Variants in VPS13D observed in about 807,000 individuals in gnomAD.
VPS13D encodes intermembrane lipid transfer protein VPS13D.
Under a neutral mutation model 461.9 loss-of-function variants are expected in VPS13D, and 187 were observed. That is an observed-to-expected ratio of 0.40 (90% CI 0.36 to 0.46). The LOEUF is 0.46. Ranked by LOEUF, VPS13D falls within the 20% of genes least tolerant of loss-of-function variation. The pLI, the probability that VPS13D is intolerant of heterozygous loss-of-function variation, is 0.60. For synonymous variants in VPS13D, 1,951 were observed against 1,986.3 expected (o/e 0.98, Z 0.47); for missense variants, 4,711 against 5,364.9 (o/e 0.88, Z 3.81).
intron 60 of VPS13D, among the ~76,000 whole-genome samples, chr1:12,388,375 G>A (rs568199803): frequency 6.6e-5 from 10 of 152,238 alleles, no homozygotes; most frequent in Middle Eastern, 6.8e-3. Context: ...AGGAGTTCGG[G>A]ACCAGCCTGG....
In VPS13D at chr1:12,345,261, A is replaced by G. The variant is rs1381521779; in HGVS notation, c.8886-113A>G. The G allele has an allele frequency of 3.8e-6, 5 of 1,298,760 alleles. No individual in the cohort carries two copies. In the African/African-American group the frequency reaches 7.4e-5, roughly 19 times the overall value. The allele number at this position is 1,298,760 out of a possible 1,614,324, so 80.5% of individuals were successfully genotyped here. On this transcript the variant is annotated intron_variant, in intron 42 of 69. Transcript: ENST00000620676. ...GCATTAGGTAATCTCCAAAAGGTTT[A>G]GCCAACTGGGTTTTTACATCATATG...
intron 63 of VPS13D, among the ~76,000 whole-genome samples, chr1:12,405,955 C>T (rs1644647531): frequency 1.3e-5 from 2 of 152,160 alleles, no homozygotes; most frequent in Non-Finnish European, 2.9e-5. Context: ...TGAAGTAGCT[C>T]CAGCCCCCCC....
In VPS13D at chr1:12,433,951, T is replaced by A. The variant is rs554724440; in HGVS notation, c.12333+17124T>A. Reference sequence around the variant, plus strand: ...GAGAGTGAGAGAGAGAGAGAGAGAGTGTGTGTGTGTGTGTGTGTGGAGGAG... The same window carrying A: ...GAGAGTGAGAGAGAGAGAGAGAGAGAGTGTGTGTGTGTGTGTGTGGAGGAG... On this transcript the variant is annotated intron_variant, in intron 65 of 69. Coordinates refer to ENST00000620676, the MANE Select transcript of VPS13D (RefSeq NM_015378.4). 2.7e-3 allele frequency among the ~76,000 whole-genome samples: 358 copies of A among 131,996 alleles called. 3 individuals are homozygous for A. The highest frequency in any genetic ancestry group is 7.1e-3 in the African/African-American group (244 of 34,488). 86.6% of individuals were successfully genotyped at this position (131,996 alleles called of 152,430 possible). A position where few individuals can be genotyped will look rare whatever the true frequency, so the allele number is the denominator to read the frequency against.
At chr1:12,397,436 G>A (rs985465582) in intron 60 of VPS13D, among the ~76,000 whole-genome samples, 8 of 152,204 alleles carry the variant, frequency 5.3e-5, no homozygotes, top group Non-Finnish European at 7.3e-5. Flanking sequence ...CAGTTACGAC[G>A]CCTTGTGTCA....
At position 12,277,301 on chromosome 1, in the gene VPS13D, T is replaced by C. The variant is rs1360677717; in HGVS notation, c.3713T>C (p.Ile1238Thr). The change falls in exon 19 of 70, where the codon ATT becomes ACT. Residue 1238 changes from isoleucine (I) to threonine (T), a missense_variant. Around this residue, in one of 3 missense-constraint regions of VPS13D, gnomAD observed 4,411 missense variants for 4,937.8 expected, o/e 0.89. Transcript: ENST00000620676. ...DNVKNQYVVS[I>T]GNSVGYENII... ...GTTAAAAACCAGTATGTTGTCAGCA[T>C]TGGGAATTCTGTAGGCTATGAAAAT... 6.8e-6 allele frequency: 11 copies of C among 1,614,070 alleles called. No homozygotes were observed. The highest frequency in any genetic ancestry group is 4.0e-5 in the African/African-American group (3 of 74,924).
chr1:12,401,472 C>T (rs1190812217), intron 61 of VPS13D, 136 bp from the exon 62 acceptor site: 1 of 564,874 alleles, frequency 1.8e-6, no homozygotes, highest in African/African-American at 1.9e-5. Flanking sequence ...AGAGATAACC[C>T]AGAAATAATT....
At chr1:12,444,443 C>T (rs747455306) in intron 65 of VPS13D, among the ~76,000 whole-genome samples, 47 of 152,238 alleles carry the variant, frequency 3.1e-4, no homozygotes, top group Admixed American at 5.2e-4. Flanking sequence ...TCTTGGCCAG[C>T]GTCACTTTAA....
intron 21 of VPS13D, among the ~76,000 whole-genome samples, chr1:12,287,400 A>C (rs1569811264): frequency 6.6e-6 from 1 of 151,834 alleles, no homozygotes; most frequent in African/African-American, 2.4e-5. Context: ...TTATTCATGC[A>C]CCAGACATTT....
At chr1:12,293,750 C>G (rs758437485) in intron 24 of VPS13D, 46 bp downstream of exon 24, 1 of 1,579,764 alleles carries the variant, frequency 6.3e-7, no homozygotes, top group Non-Finnish European at 8.6e-7. Context: ...TTTGACTGAT[C>G]AGTAGAACTT....
chr1:12,315,491 C>G (rs1006352640), intron 30 of VPS13D, among the ~76,000 whole-genome samples: 3 of 152,194 alleles, frequency 2.0e-5, no homozygotes, highest in Non-Finnish European at 4.4e-5. Context: ...ATGAGCCAGG[C>G]ACTTTAGCTA....
intron 10 of VPS13D, among the ~76,000 whole-genome samples, chr1:12,259,156 C>T (rs1283235612): frequency 1.3e-5 from 2 of 151,604 alleles, no homozygotes; most frequent in Non-Finnish European, 2.9e-5. Flanking sequence ...ATTCTCCCAA[C>T]TCAGCCTTCC....
chr1:12,400,056 G>C (rs763578080), intron 60 of VPS13D, 125 bp from the exon 61 acceptor site: 1 of 1,028,104 alleles, frequency 9.7e-7, no homozygotes, highest in African/African-American at 1.6e-5. Flanking sequence ...TATTGAGATC[G>C]AGTGAAATGA....
chr1:12,392,249 T>C (rs532545089), intron 60 of VPS13D, among the ~76,000 whole-genome samples: 26 of 152,188 alleles, frequency 1.7e-4, no homozygotes, highest in African/African-American at 5.3e-4. Context: ...CTCAGCACTT[T>C]GGGAGGCCAA....
At chr1:12,404,485 G>A (rs1047321568) in intron 63 of VPS13D, among the ~76,000 whole-genome samples, 5 of 152,042 alleles carry the variant, frequency 3.3e-5, no homozygotes, top group Non-Finnish European at 7.4e-5. Context: ...TTACCCACTG[G>A]GATATGGCCT....
intron 65 of VPS13D, among the ~76,000 whole-genome samples, chr1:12,449,171 T>C (rs985930709): frequency 2.3e-4 from 35 of 152,180 alleles, no homozygotes; most frequent in African/African-American, 8.0e-4. Context: ...CTTAGGCATA[T>C]TACTGGAATT....
chr1:12,327,881 C>A, intron 36 of VPS13D, 27 bp downstream of exon 36: 1 of 1,599,496 alleles, frequency 6.3e-7, no homozygotes, highest in Non-Finnish European at 8.5e-7. Context: ...TTTTCAGATT[C>A]ATCTTGAATA....
intron 57 of VPS13D, 26 bp from the exon 58 acceptor site, chr1:12,382,950 C>G: frequency 2.5e-6 from 4 of 1,592,384 alleles, no homozygotes; most frequent in Non-Finnish European, 3.4e-6. Flanking sequence ...TCTTTTCTCA[C>G]ATGTCTCTAC....
intron 67 of VPS13D, among the ~76,000 whole-genome samples, chr1:12,462,902 A>T (rs1197544380): frequency 6.6e-6 from 1 of 152,140 alleles, no homozygotes. Flanking sequence ...CACAGTCAGC[A>T]CTGGCCACTC....
chr1:12,242,037 G>A (rs1255508679), intron 2 of VPS13D, among the ~76,000 whole-genome samples: 6 of 151,728 alleles, frequency 4.0e-5, no homozygotes, highest in Non-Finnish European at 7.4e-5. Context: ...CTGGCCTGCA[G>A]ACTAAGAATG....
Sources: gnomAD v4.1 joint callset for allele counts (sites outside exome capture counted in the v4.1 genomes callset) on GRCh38, gnomAD v4.1.1 for gene constraint, gnomAD v4.1.1 regional missense constraint, MANE v1.5 for transcripts, NCBI Gene and HGNC (gene_info 2026-07-23, HGNC 2026-07-21) for gene names.